FOXJ2: variants seen among roughly 807,000 people sequenced by gnomAD.
FOXJ2 encodes the protein forkhead box J2.
In FOXJ2, 18 loss-of-function variants were observed where a neutral mutation model predicts 68.4. That is an observed-to-expected ratio of 0.26 (90% CI 0.18 to 0.39). The LOEUF (loss-of-function observed/expected upper bound fraction) is 0.39. Among genes scored for constraint, FOXJ2 ranks in the 10% least tolerant of loss-of-function variants. The pLI is 1.00. For synonymous variants in FOXJ2, 274 were observed against 263.2 expected (o/e 1.04, Z -0.40); for missense variants, 670 against 726.5 (o/e 0.92, Z 0.89).
Position 8,033,752 on chromosome 12 carries a change from C to T in FOXJ2, c.-96C>T. 6.5e-6 allele frequency: 1 copy of T among 152,930 alleles called. No homozygotes were observed. The highest frequency in any genetic ancestry group is 2.4e-5 in the African/African-American group (1 of 41,594). 9.5% of individuals were successfully genotyped at this position (152,930 alleles called of 1,614,324 possible). A position where few individuals can be genotyped will look rare whatever the true frequency, so the allele number is the denominator to read the frequency against. ...CACTGAGGATGAGAGCCGTCACCTG[C>T]CTCTGAAGAGGGGAATCCCTCCAAC... On this transcript the variant is annotated 5_prime_UTR_variant, in exon 1 of 11. Coordinates refer to ENST00000162391, the MANE Select transcript of FOXJ2 (RefSeq NM_018416.3).
intron 4 of FOXJ2, 43 bp downstream of exon 4, chr12:8,043,812 T>C: frequency 6.2e-7 from 1 of 1,612,998 alleles, no homozygotes; most frequent in Non-Finnish European, 8.5e-7. Flanking sequence ...CTGAGCCAGC[T>C]GCTCCTTCCA....
chr12:8,041,017 T>A (rs1236653215), intron 2 of FOXJ2, among the ~76,000 whole-genome samples: 6 of 152,126 alleles, frequency 3.9e-5, no homozygotes, highest in Non-Finnish European at 7.4e-5. Context: ...AAGAAGGGGC[T>A]CCTCTCCTAA....
At chr12:8,042,625 G>A in intron 2 of FOXJ2, 33 bp from the exon 3 acceptor site, 2 of 1,583,818 alleles carry the variant, frequency 1.3e-6, no homozygotes, top group Non-Finnish European at 1.7e-6. Context: ...TCTGCATAAT[G>A]CTCAGGCCTA....
intron 1 of FOXJ2, among the ~76,000 whole-genome samples, chr12:8,037,548 A>G (rs532739005): frequency 1.6e-3 from 243 of 152,308 alleles, no homozygotes; most frequent in Non-Finnish European, 2.5e-3. Context: ...CCCTCTAAAC[A>G]CTTTAAATCC....
chr12:8,041,576 C>T (rs112623163), intron 2 of FOXJ2, among the ~76,000 whole-genome samples: 8 of 151,096 alleles, frequency 5.3e-5, no homozygotes, highest in African/African-American at 1.9e-4. Flanking sequence ...TGTAGTGGTA[C>T]AATCACAGCT....
rs60798841 is a variant in FOXJ2 at position 8,042,880 on chromosome 12, T to A, written c.408+148T>A. The A allele has an allele frequency of 3.4e-3, 2,388 of 709,796 alleles. 43 individuals carry two copies. In the African/African-American group the frequency reaches 0.038, roughly 11 times the overall value. The allele number at this position is 709,796 out of a possible 1,614,324, so 44.0% of individuals were successfully genotyped here. A position where few individuals can be genotyped will look rare whatever the true frequency, so the allele number is the denominator to read the frequency against. ...CTTTATTTTTTTCTCAGAGGAAGCT[T>A]GGTTGTCAAGCTTATGGGCCCCCAG... On this transcript the variant is annotated intron_variant, in intron 3 of 10. Transcript: ENST00000162391.
intron 8 of FOXJ2, among the ~76,000 whole-genome samples, chr12:8,049,040 G>A (rs957520403): frequency 6.6e-6 from 1 of 152,146 alleles, no homozygotes; most frequent in African/African-American, 2.4e-5. Context: ...GAGGGAGAAG[G>A]CCCTCAGGAA....
chr12:8,033,954 A>G (rs1373767877), intron 1 of FOXJ2, 121 bp downstream of exon 1: 3 of 152,214 alleles, frequency 2.0e-5, no homozygotes, highest in Admixed American at 6.5e-5. Flanking sequence ...AGAAAATCCA[A>G]TGGGAAATGT....
At chr12:8,034,926 G>T (rs183192120) in intron 1 of FOXJ2, among the ~76,000 whole-genome samples, 7 of 152,342 alleles carry the variant, frequency 4.6e-5, no homozygotes, top group Non-Finnish European at 8.8e-5. Flanking sequence ...CTAGCTGGTT[G>T]TCTGCTTTCC....
Position 8,032,895 on chromosome 12 carries a change from C to T in FOXJ2, c.-953C>T. 5 of 398,292 alleles carry T rather than the reference C, an allele frequency of 1.3e-5. No homozygotes were observed. Among genetic ancestry groups the T allele is most frequent in the Non-Finnish European group, 2.2e-5 (5 of 225,930 alleles). 24.7% of individuals were successfully genotyped at this position (398,292 alleles called of 1,614,324 possible). On this transcript the variant is annotated 5_prime_UTR_variant, in exon 1 of 11. Transcript: ENST00000162391. This position sits in a 1 kb window ranked among gnomAD's most constrained non-coding sequence, Gnocchi z 4.8. ...AGAGGAGGTGCTGCCGCCACAGTAG[C>T]AGGGACCGGAGTCTCGAGCCGCGGC...
At chr12:8,045,082 C>T (rs1947017995) in intron 6 of FOXJ2, 124 bp downstream of exon 6, 3 of 995,152 alleles carry the variant, frequency 3.0e-6, no homozygotes, top group South Asian at 1.7e-5. Flanking sequence ...CTCACTCTTT[C>T]GTCCAAGCTG....
chr12:8,038,575 T>C lies in FOXJ2; in HGVS notation c.-14-1244T>C, dbSNP rs1440496870. Among the ~76,000 whole-genome samples, 1 of 152,208 alleles carries C rather than the reference T, an allele frequency of 6.6e-6. No homozygotes were observed. The highest frequency in any genetic ancestry group is 1.5e-5 in the Non-Finnish European group (1 of 68,030). On this transcript the variant is annotated intron_variant, in intron 1 of 10. Transcript: ENST00000162391. This position sits in a 1 kb window ranked among gnomAD's most constrained non-coding sequence, Gnocchi z 5.3. ...TCTGGCGGCTGTGCAGGCACAAACC[T>C]GCTAGGCAGCAAGTGCTTAGGGGGT...
At chr12:8,047,859 G>T in intron 6 of FOXJ2, 23 bp from the exon 7 acceptor site, 2 of 1,551,318 alleles carry the variant, frequency 1.3e-6, no homozygotes, top group African/African-American at 1.4e-5. Flanking sequence ...TAAGTCACTT[G>T]CCTGCTTCCT....
At chr12:8,045,004 T>C (rs1164216930) in intron 6 of FOXJ2, 46 bp downstream of exon 6, 7 of 1,540,426 alleles carry the variant, frequency 4.5e-6, no homozygotes, top group African/African-American at 1.4e-5. Context: ...TTTTATCTTG[T>C]TGAACAAGTG....
At chr12:8,043,619 T>C (rs1946996579) in intron 3 of FOXJ2, 82 bp from the exon 4 acceptor site, 1 of 1,397,762 alleles carries the variant, frequency 7.2e-7, no homozygotes, top group Non-Finnish European at 1.0e-6. Context: ...TAGGACAAAT[T>C]TGCTCTTCAT....
At chr12:8,051,124 T>TTCCCTCCCCC (rs1947120401) in intron 10 of FOXJ2, among the ~76,000 whole-genome samples, 1 of 117,482 alleles carries the variant, frequency 8.5e-6, no homozygotes, top group African/African-American at 3.4e-5. Flanking sequence ...TCCCTTCCCT[T>TTCCCTCCCCC]TCCCTTCCCC....
intron 9 of FOXJ2, chr12:8,049,905 G>C (rs1477543448): frequency 2.6e-6 from 1 of 385,154 alleles, no homozygotes; most frequent in African/African-American, 2.0e-5. Flanking sequence ...ATGAAATGGT[G>C]GTTCTATGCT....
At position 8,048,702 on chromosome 12, in the gene FOXJ2, C is replaced by G; in HGVS notation, c.1231C>G (p.Pro411Ala). ...CTTTCCCCTCCTCTTTACAGCCTTT[C>G]CTTCTGACTGGTGCTCTAATATTGA... ...APINNTGFAF[P>A]SDWCSNIDSL... The change falls in exon 8 of 11, where the codon CCT becomes GCT. Residue 411 changes from proline (P) to alanine (A), a missense_variant. By Grantham distance (27) the Pro-to-Ala change is conservative (BLOSUM62 -1). This residue lies in a region of FOXJ2 where 555 missense variants were observed against 562.2 expected (regional missense o/e 0.99). Transcript: ENST00000162391. 1 of 1,613,998 alleles carries G rather than the reference C, an allele frequency of 6.2e-7. No homozygotes were observed. Among genetic ancestry groups the G allele is most frequent in the Non-Finnish European group, 8.5e-7 (1 of 1,179,908 alleles).
In FOXJ2 at chr12:8,049,549, A is replaced by AGC. The variant is rs1340166594; in HGVS notation, c.1515_1516insGC (p.Gln506AlafsTer6). 6.2e-7 allele frequency: 1 copy of AGC among 1,606,150 alleles called. No homozygotes were observed. Among genetic ancestry groups the AGC allele is most frequent in the African/African-American group, 1.3e-5 (1 of 74,804 alleles). The stretch of plus-strand genomic sequence containing the variant: ...ACTCCTGTGCCCTCACCAGTGGCAA[A>AGC]CAGGAGTCAGCCATGAGCCAAGGTA... On this transcript the variant is annotated frameshift_variant, in exon 9 of 11. Coordinates refer to ENST00000162391, the MANE Select transcript of FOXJ2 (RefSeq NM_018416.3). LOFTEE classifies it high-confidence loss of function.
Sources: gnomAD v4.1 joint callset for allele counts (sites outside exome capture counted in the v4.1 genomes callset) on GRCh38, gnomAD v4.1.1 for gene constraint, gnomAD v4.1.1 regional missense constraint, Gnocchi (gnomAD v3.1) non-coding constraint, MANE v1.5 for transcripts, NCBI Gene and HGNC (gene_info 2026-07-23, HGNC 2026-07-21) for gene names.